CNTNAP2: variants seen among roughly 807,000 people sequenced by gnomAD.
The protein encoded by CNTNAP2 is contactin-associated protein-like 2.
CNTNAP2 carries 98 observed loss-of-function variants against 155.2 expected under a neutral mutation model. The observed-to-expected ratio is 0.63, with a 90% confidence interval of 0.54 to 0.75. The LOEUF is 0.75. Ranked by LOEUF, CNTNAP2 falls within the 30% of genes least tolerant of loss-of-function variation. The pLI is 0.00. For synonymous variants in CNTNAP2, 651 were observed against 631.2 expected (o/e 1.03, Z -0.47); for missense variants, 1,727 against 1,688.1 (o/e 1.02, Z -0.40).
At chr7:147,898,270 A>G (rs2710109) in intron 13 of CNTNAP2, among the ~76,000 whole-genome samples, 48,412 of 152,038 alleles carry the variant, frequency 0.32, 7,947 homozygotes, top group African/African-American at 0.4. Flanking sequence ...ACTTTAAATC[A>G]CCCACCTGTT....
At chr7:147,163,205 G>C (rs1563098808) in intron 8 of CNTNAP2, among the ~76,000 whole-genome samples, 1 of 152,162 alleles carries the variant, frequency 6.6e-6, no homozygotes, top group Non-Finnish European at 1.5e-5. Context: ...AGGACAATGA[G>C]TCTCATGTCA....
intron 1 of CNTNAP2, among the ~76,000 whole-genome samples, chr7:146,375,237 G>T (rs575789294): frequency 6.6e-6 from 1 of 152,136 alleles, no homozygotes; most frequent in Admixed American, 6.5e-5. Flanking sequence ...TTACTTTCCT[G>T]GTTGAAAAGA....
intron 1 of CNTNAP2, among the ~76,000 whole-genome samples, chr7:146,118,813 G>T (rs118057067): frequency 0.012 from 1,823 of 152,156 alleles, 21 homozygotes; most frequent in Non-Finnish European, 0.019. Context: ...AATAGTTATG[G>T]CCATTAAGAT....
At chr7:146,955,402 T>G (rs1797411807) in intron 3 of CNTNAP2, among the ~76,000 whole-genome samples, 1 of 151,966 alleles carries the variant, frequency 6.6e-6, no homozygotes, top group Non-Finnish European at 1.5e-5. Context: ...AAGTGTCTCT[T>G]AAAAAGTTAG....
At chr7:146,812,384 A>G (rs1264877364) in intron 2 of CNTNAP2, among the ~76,000 whole-genome samples, 2 of 149,700 alleles carry the variant, frequency 1.3e-5, no homozygotes, top group Non-Finnish European at 3.0e-5. Context: ...TTTGAACTTA[A>G]AAGAGATGAG....
intron 12 of CNTNAP2, among the ~76,000 whole-genome samples, chr7:147,587,589 A>G (rs1800654967): frequency 1.3e-5 from 2 of 152,214 alleles, no homozygotes. Flanking sequence ...TCATGCTTAT[A>G]GAGTTGGAAG....
At chr7:148,010,072 A>G (rs372707503) in intron 15 of CNTNAP2, among the ~76,000 whole-genome samples, 2 of 152,080 alleles carry the variant, frequency 1.3e-5, no homozygotes, top group Non-Finnish European at 1.5e-5. Flanking sequence ...AACTTGCTCC[A>G]TAACAGTTAG....
intron 9 of CNTNAP2, among the ~76,000 whole-genome samples, chr7:147,319,312 T>TATA (rs1584870109): frequency 6.6e-6 from 1 of 152,212 alleles, no homozygotes; most frequent in African/African-American, 2.4e-5. Flanking sequence ...TATGTCAAAG[T>TATA]ATATAATGGT....
chr7:147,934,182 T>A (rs918055865), intron 14 of CNTNAP2, among the ~76,000 whole-genome samples: 1 of 151,760 alleles, frequency 6.6e-6, no homozygotes, highest in Non-Finnish European at 1.5e-5. Context: ...GTAGATCTCA[T>A]GTTACCTGTT....
chr7:148,409,982 C>T lies in CNTNAP2; in HGVS notation c.3796+511C>T, dbSNP rs540304645. ...AGGAGAATGGCGTGAACCTGGGAGGCGGAGCTTGCAGTGAGCCAAGATTGT... is the reference window on the plus strand; with the variant it reads ...AGGAGAATGGCGTGAACCTGGGAGGTGGAGCTTGCAGTGAGCCAAGATTGT... On this transcript the variant is annotated intron_variant, in intron 23 of 23. Transcript: ENST00000361727. 3.3e-4 allele frequency among the ~76,000 whole-genome samples: 24 copies of T among 73,712 alleles called. 8 individuals carry two copies. The highest frequency in any genetic ancestry group is 1.6e-3 in the African/African-American group (23 of 14,688). 48.4% of individuals were successfully genotyped at this position (73,712 alleles called of 152,430 possible). A position where few individuals can be genotyped will look rare whatever the true frequency, so the allele number is the denominator to read the frequency against.
intron 1 of CNTNAP2, among the ~76,000 whole-genome samples, chr7:146,495,851 C>A (rs146737121): frequency 4.1e-4 from 62 of 152,176 alleles, no homozygotes; most frequent in African/African-American, 1.4e-3. Flanking sequence ...AAGGCCAAAT[C>A]ACCTTCTTCA....
At chr7:146,963,269 T>A (rs1797590194) in intron 3 of CNTNAP2, 1 of 152,236 alleles carries the variant, frequency 6.6e-6, no homozygotes, top group Non-Finnish European at 1.5e-5. Flanking sequence ...GATAATTACC[T>A]AAATTACTCT....
intron 3 of CNTNAP2, among the ~76,000 whole-genome samples, chr7:147,017,743 T>C (rs1369604951): frequency 6.6e-6 from 1 of 152,060 alleles, no homozygotes; most frequent in Non-Finnish European, 1.5e-5. Flanking sequence ...CTTGTACAAA[T>C]ATAAAGTGAG....
chr7:146,376,422 A>G (rs1279430115), intron 1 of CNTNAP2, among the ~76,000 whole-genome samples: 1 of 152,124 alleles, frequency 6.6e-6, no homozygotes, highest in Non-Finnish European at 1.5e-5. Flanking sequence ...AATATTTCTC[A>G]TCGAAAGCAA....
chr7:147,809,318 G>A (rs920158456), intron 13 of CNTNAP2, among the ~76,000 whole-genome samples: 6 of 152,126 alleles, frequency 3.9e-5, no homozygotes, highest in Admixed American at 6.5e-5. Context: ...AATAACAAAG[G>A]CTACTATTTA....
intron 3 of CNTNAP2, among the ~76,000 whole-genome samples, chr7:146,974,576 T>A (rs1797869825): frequency 6.6e-6 from 1 of 152,240 alleles, no homozygotes. Context: ...ATGTGACGAC[T>A]TGTAGGCAAA....
At chr7:148,308,551 GTATTTATTTATTTATTTATT>G (rs72136288) in intron 21 of CNTNAP2, among the ~76,000 whole-genome samples, 14 of 148,388 alleles carry the variant, frequency 9.4e-5, no homozygotes, top group Admixed American at 2.0e-4. Context: ...ACCTATTTAT[GTATTTATTTATTTATTTATT>G]TATTTATTTA....
chr7:147,889,118 A>G (rs1452989839), intron 13 of CNTNAP2, among the ~76,000 whole-genome samples: 1 of 152,110 alleles, frequency 6.6e-6, no homozygotes, highest in South Asian at 2.1e-4. Context: ...TAAACTTTCT[A>G]GGGTATCTAC....
intron 20 of CNTNAP2, among the ~76,000 whole-genome samples, chr7:148,251,859 G>A (rs536520558): frequency 2.0e-5 from 3 of 152,266 alleles, no homozygotes; most frequent in Admixed American, 6.5e-5. Flanking sequence ...TTGGAGGAGT[G>A]TGCAGCCTTG....
Sources: gnomAD v4.1 joint callset for allele counts (sites outside exome capture counted in the v4.1 genomes callset) on GRCh38, gnomAD v4.1.1 for gene constraint, MANE v1.5 for transcripts, NCBI Gene and HGNC (gene_info 2026-07-23, HGNC 2026-07-21) for gene names.